LY6K: variants seen among roughly 807,000 people sequenced by gnomAD.
LY6K encodes the protein lymphocyte antigen 6 family member K, also known as lymphocyte antigen 6K.
In LY6K, 9 loss-of-function variants were observed where a neutral mutation model predicts 10.4. The ratio of observed to expected loss-of-function variants is 0.87; its 90% CI spans 0.52 to 1.52. The LOEUF is 1.52. Among genes scored for constraint, LY6K ranks in the 40% most tolerant of loss-of-function variants. The pLI is 0.00. For missense variants in LY6K, 217 were observed against 211.7 expected, an observed-to-expected ratio of 1.02 and a Z score of -0.15; for synonymous variants, 98 against 83.7, an observed-to-expected ratio of 1.17 and a Z score of -0.94.
intron 2 of LY6K, chr8:142,702,039 C>G: frequency 3.4e-6 from 1 of 297,560 alleles, no homozygotes; most frequent in South Asian, 4.3e-5. Flanking sequence ...AACTCCTGAC[C>G]TCAGGTGACC....
At chr8:142,701,505 C>T in intron 1 of LY6K, 95 bp from the exon 2 acceptor site, 1 of 778,602 alleles carries the variant, frequency 1.3e-6, no homozygotes, top group African/African-American at 1.7e-5. Flanking sequence ...AGGATGGGGA[C>T]CCGCCGAGTT....
In LY6K at chr8:142,703,500, G is replaced by C; in HGVS notation, c.*129G>C. On this transcript the variant is annotated 3_prime_UTR_variant, in exon 3 of 3. Coordinates refer to ENST00000292430, the MANE Select transcript of LY6K (RefSeq NM_017527.4). ...GACTTCCCAGGGTCTTGGGATGGGA[G>C]AGTGGGGATCAGGTGCAGTTGGCTC... The C allele has an allele frequency of 8.7e-7, 1 of 1,154,856 alleles. No homozygotes were observed. The highest frequency in any genetic ancestry group is 1.6e-5 in the South Asian group (1 of 62,050). The allele number at this position is 1,154,856 out of a possible 1,614,324, so 71.5% of individuals were successfully genotyped here. A position where few individuals can be genotyped will look rare whatever the true frequency, so the allele number is the denominator to read the frequency against.
At chr8:142,701,044 C>G (rs1815005363) in intron 1 of LY6K, among the ~76,000 whole-genome samples, 1 of 99,810 alleles carries the variant, frequency 1.0e-5, no homozygotes, top group South Asian at 3.4e-4. Flanking sequence ...GTGGGTGGAC[C>G]TGGGAGGTGG....
intron 2 of LY6K, 70 bp downstream of exon 2, chr8:142,701,783 C>A: frequency 1.0e-6 from 1 of 955,192 alleles, no homozygotes; most frequent in Non-Finnish European, 1.7e-6. Flanking sequence ...TCAGGGCTGT[C>A]TAGTTTTCCT....
At position 142,700,418 on chromosome 8, in the gene LY6K, GC is replaced by G. The variant is rs1408682797; in HGVS notation, c.-109del. ...AGGCGCGCGCCCCGGGGCGGGCGGG[GC>G]TCCCCCTACCGGCCAGACCCGGGGA... On this transcript the variant is annotated 5_prime_UTR_variant, in exon 1 of 3. Coordinates refer to ENST00000292430, the MANE Select transcript of LY6K (RefSeq NM_017527.4). 7.3e-7 allele frequency: 1 copy of G among 1,370,298 alleles called. No homozygotes were observed. The highest frequency in any genetic ancestry group is 9.4e-7 in the Non-Finnish European group (1 of 1,063,556). 84.9% of individuals were successfully genotyped at this position (1,370,298 alleles called of 1,614,324 possible). A position where few individuals can be genotyped will look rare whatever the true frequency, so the allele number is the denominator to read the frequency against.
Position 142,700,619 on chromosome 8 carries a change from C to A in LY6K, c.92C>A (p.Ser31Tyr). The part of the protein sequence containing the change: ...LTARQRDPED[S>Y]QRTDEGDNRV... ...GCGAGACAACGAGATCCAGAGGACT[C>A]CCAGCGAACGGGTGAGCCTGGCTCG... The change falls in exon 1 of 3, where the codon TCC becomes TAC. Residue 31 changes from serine to tyrosine, a missense_variant. Ser to Tyr is a moderately radical substitution (Grantham distance 144, BLOSUM62 -2). Coordinates refer to ENST00000292430, the MANE Select transcript of LY6K (RefSeq NM_017527.4). The A allele has an allele frequency of 6.4e-7, 1 of 1,559,690 alleles. No homozygotes were observed. The highest frequency in any genetic ancestry group is 8.7e-7 in the Non-Finnish European group (1 of 1,154,818).
chr8:142,704,499 G>C lies in LY6K; in HGVS notation c.*1128G>C, dbSNP rs1363917875. ...GCAGGAGCATTGTCATGGTGGAGAAGGGCTCTCTGGTGAAGCTTTCCGGGG... is the reference window on the plus strand; with the variant it reads ...GCAGGAGCATTGTCATGGTGGAGAACGGCTCTCTGGTGAAGCTTTCCGGGG... On this transcript the variant is annotated 3_prime_UTR_variant, in exon 3 of 3. Transcript: ENST00000292430. The C allele has an allele frequency of 6.6e-6, 1 of 152,304 alleles. No individual in the cohort carries two copies. The highest frequency in any genetic ancestry group is 1.5e-5 in the Non-Finnish European group (1 of 68,046). 9.4% of individuals were successfully genotyped at this position (152,304 alleles called of 1,614,324 possible).
At chr8:142,701,452 G>T (rs1189070466) in intron 1 of LY6K, 148 bp from the exon 2 acceptor site, 2 of 630,874 alleles carry the variant, frequency 3.2e-6, no homozygotes, top group African/African-American at 3.7e-5. Flanking sequence ...TCCCCATGCG[G>T]CTCACTCGAG....
Position 142,705,032 on chromosome 8 carries a change from T to C in LY6K, c.*1661T>C, listed in dbSNP as rs1190401188. On this transcript the variant is annotated 3_prime_UTR_variant, in exon 3 of 3. Coordinates refer to ENST00000292430, the MANE Select transcript of LY6K (RefSeq NM_017527.4). ...AAATTAGGGCACAAACAAGATGAAT[T>C]GTTTCCTCACAGACTGATGTGGCTG... 2.6e-5 allele frequency: 4 copies of C among 152,248 alleles called. No individual in the cohort carries two copies. The highest frequency in any genetic ancestry group is 2.0e-4 in the Admixed American group (3 of 15,282). The allele number at this position is 152,248 out of a possible 1,614,324, so 9.4% of individuals were successfully genotyped here. A position where few individuals can be genotyped will look rare whatever the true frequency, so the allele number is the denominator to read the frequency against.
intron 2 of LY6K, chr8:142,702,135 C>T: frequency 3.3e-6 from 1 of 304,770 alleles, no homozygotes. Flanking sequence ...ATGTGAAGAG[C>T]AAAGTCCTCA....
intron 2 of LY6K, chr8:142,702,413 C>T (rs1478681045): frequency 7.3e-7 from 1 of 1,368,666 alleles, no homozygotes; most frequent in Non-Finnish European, 1.0e-6. Flanking sequence ...GACCACTGCT[C>T]TGTCATCTGT....
Position 142,703,089 on chromosome 8 carries a change from A to AGAAATATTTCCACGTTTTTTCAT in LY6K, c.218_240dup. 6.8e-6 allele frequency: 11 copies of AGAAATATTTCCACGTTTTTTCAT among 1,613,402 alleles called. No individual in the cohort carries two copies. The highest frequency in any genetic ancestry group is 9.3e-6 in the Non-Finnish European group (11 of 1,179,530). On this transcript the variant is annotated splice_acceptor_variant, in intron 2 of 2. Coordinates refer to ENST00000292430, the MANE Select transcript of LY6K (RefSeq NM_017527.4). LOFTEE classifies it high-confidence loss of function. Reference sequence around the variant, plus strand: ...CTTCTCTCGGTCTTTATTTCCTATTAGAAATATTTCCACGTTTTTTCATGG... The same window carrying AGAAATATTTCCACGTTTTTTCAT: ...CTTCTCTCGGTCTTTATTTCCTATTAGAAATATTTCCACGTTTTTTCATGAAATATTTCCACGTTTTTTCATGG...
Position 142,700,179 on chromosome 8 carries a change from G to A in LY6K, c.-349G>A. 1 of 335,330 alleles carries A rather than the reference G, an allele frequency of 3.0e-6. No individual in the cohort carries two copies. Among genetic ancestry groups the A allele is most frequent in the Non-Finnish European group, 4.6e-6 (1 of 218,476 alleles). 20.8% of individuals were successfully genotyped at this position (335,330 alleles called of 1,614,324 possible). A position where few individuals can be genotyped will look rare whatever the true frequency, so the allele number is the denominator to read the frequency against. ...CCTACCTGGCCGCCGGCCACTTTCT[G>A]TGGGCCGTGGGGTCCTCAAGGAGAC... On this transcript the variant is annotated 5_prime_UTR_variant, in exon 1 of 3. It adds an upstream start codon to the 5' untranslated region. Transcript: ENST00000292430.
In LY6K at chr8:142,703,341, C is replaced by T. The variant is rs781963260; in HGVS notation, c.468C>T (p.Ala156=). The change falls in exon 3 of 3, where the codon GCC becomes GCT. Residue 156 remains alanine (A), a synonymous_variant. Coordinates refer to ENST00000292430, the MANE Select transcript of LY6K (RefSeq NM_017527.4). ...GGCTGGCCATCCTCCTGCTGCTGGC[C>T]TCCATTGCAGCCGGCCTCAGCCTGT... ...GLWLAILLLL[A]SIAAGLSLS The T allele has an allele frequency of 6.2e-6, 10 of 1,612,248 alleles. No homozygotes were observed. The East Asian group carries it at 8.9e-5, about 14-fold the overall frequency.
In LY6K at chr8:142,703,598, G is replaced by T; in HGVS notation, c.*227G>T. The T allele has an allele frequency of 1.8e-6, 1 of 550,724 alleles. No individual in the cohort carries two copies. The highest frequency in any genetic ancestry group is 3.2e-6 in the Non-Finnish European group (1 of 315,826). 34.1% of individuals were successfully genotyped at this position (550,724 alleles called of 1,614,324 possible). On this transcript the variant is annotated 3_prime_UTR_variant, in exon 3 of 3. Transcript: ENST00000292430. ...TCCTGAGTAGTGATTTTGGTGACAA[G>T]TTTTTCTCTTTGAAATCAAACCTTG...
rs587714124 is a variant in LY6K, at chr8:142,704,666, C to G, written c.*1295C>G. The G allele has an allele frequency of 6.6e-6, 1 of 152,328 alleles. No homozygotes were observed. Among genetic ancestry groups the G allele is most frequent in the South Asian group, 2.1e-4 (1 of 4,822 alleles). 9.4% of individuals were successfully genotyped at this position (152,328 alleles called of 1,614,324 possible). On this transcript the variant is annotated 3_prime_UTR_variant, in exon 3 of 3. Coordinates refer to ENST00000292430, the MANE Select transcript of LY6K (RefSeq NM_017527.4). ...AGCATTCACAAAACGGTTGCCACGA[C>G]CTTTGCCCTTGACATGTCTGCTTTT...
Position 142,703,356 on chromosome 8 carries a change from C to A in LY6K, c.483C>A (p.Gly161=). The change falls in exon 3 of 3, where the codon GGC becomes GGA. Residue 161 remains glycine (G), a synonymous_variant. Coordinates refer to ENST00000292430, the MANE Select transcript of LY6K (RefSeq NM_017527.4). ...ILLLLASIAA[G]LSLS is the part of the protein sequence containing the mutation. ...TGCTGCTGGCCTCCATTGCAGCCGG[C>A]CTCAGCCTGTCTTGAGCCACGGGAC... 19 of 1,610,660 alleles carry A rather than the reference C, an allele frequency of 1.2e-5. No homozygotes were observed. Among genetic ancestry groups the A allele is most frequent in the Non-Finnish European group, 1.6e-5 (19 of 1,178,996 alleles).
At position 142,703,760 on chromosome 8, in the gene LY6K, C is replaced by T. The variant is rs971721364; in HGVS notation, c.*389C>T. The T allele has an allele frequency of 8.2e-5, 16 of 195,646 alleles. No homozygotes were observed. Among genetic ancestry groups the T allele is most frequent in the Admixed American group, 2.1e-4 (4 of 18,822 alleles). 12.1% of individuals were successfully genotyped at this position (195,646 alleles called of 1,614,324 possible). A position where few individuals can be genotyped will look rare whatever the true frequency, so the allele number is the denominator to read the frequency against. On this transcript the variant is annotated 3_prime_UTR_variant, in exon 3 of 3. Transcript: ENST00000292430. ...GAGATGCTTCCGACCTTTCAGGTGA[C>T]GCAGGAACACTGGGGGAGTCTGAAT...
chr8:142,702,405 C>T, intron 2 of LY6K: 2 of 1,287,884 alleles, frequency 1.6e-6, no homozygotes, highest in Non-Finnish European at 2.2e-6. Flanking sequence ...ATTGTGGAGA[C>T]CACTGCTCTG....
Sources: allele counts gnomAD v4.1 joint callset (sites outside exome capture counted in the v4.1 genomes callset), GRCh38; gene constraint gnomAD v4.1.1; transcripts MANE v1.5; gene names NCBI Gene and HGNC (gene_info 2026-07-23, HGNC 2026-07-21).